The following LATS1 variants were observed in gnomAD, a reference collection of about 807,000 sequenced individuals.
LATS1 encodes the protein large tumor suppressor kinase 1.
Under a neutral mutation model 106.6 loss-of-function variants are expected in LATS1, and 25 were observed. The observed-to-expected ratio is 0.23, with a 90% CI of 0.17 to 0.33. LATS1 has a LOEUF of 0.33. LATS1 is among the 10% of genes least tolerant of loss of function. The pLI is 1.00. For synonymous variants in LATS1, 465 were observed against 455.6 expected, an observed-to-expected ratio of 1.02 and a Z score of -0.26; for missense variants, 1,040 against 1,382.6, an observed-to-expected ratio of 0.75 and a Z score of 3.93.
At chr6:149,682,422 T>C (rs1378248425) in intron 4 of LATS1, among the ~76,000 whole-genome samples, 3 of 150,896 alleles carry the variant, frequency 2.0e-5, no homozygotes, top group Non-Finnish European at 4.4e-5. Flanking sequence ...TTTCTTTTTT[T>C]TTTTTTTTTG....
chr6:149,713,913 G>C (rs1784245149), intron 1 of LATS1, among the ~76,000 whole-genome samples: 1 of 152,128 alleles, frequency 6.6e-6, no homozygotes, highest in South Asian at 2.1e-4. Context: ...ACCTGCCTCG[G>C]CCTCCCGAAG....
chr6:149,695,326 A>G (rs949462832), intron 2 of LATS1, 105 bp from the exon 3 acceptor site: 2 of 680,112 alleles, frequency 2.9e-6, no homozygotes, highest in African/African-American at 3.7e-5. Context: ...ATAATTATGA[A>G]GAACACAGCC....
intron 7 of LATS1, 102 bp from the exon 8 acceptor site, chr6:149,662,340 T>G: frequency 1.0e-6 from 1 of 999,386 alleles, no homozygotes; most frequent in South Asian, 1.7e-5. Flanking sequence ...TTTTGTATTT[T>G]AAATAAATTA....
chr6:149,668,312 A>G (rs1781266184), intron 7 of LATS1, among the ~76,000 whole-genome samples: 1 of 152,102 alleles, frequency 6.6e-6, no homozygotes, highest in Non-Finnish European at 1.5e-5. Flanking sequence ...GCTCTAAAGT[A>G]TCTGCTTTAG....
At chr6:149,704,887 T>TACAC (rs57029776) in intron 1 of LATS1, among the ~76,000 whole-genome samples, 5,693 of 139,782 alleles carry the variant, frequency 0.041, 243 homozygotes, top group Admixed American at 0.12. Context: ...AAATTAATTA[T>TACAC]ACACACACAC....
At chr6:149,667,537 A>G (rs1340783798) in intron 7 of LATS1, among the ~76,000 whole-genome samples, 1 of 152,018 alleles carries the variant, frequency 6.6e-6, no homozygotes, top group Non-Finnish European at 1.5e-5. Flanking sequence ...AAAAACTTAA[A>G]ATATAAGTAG....
In LATS1 at chr6:149,662,182, T is replaced by C. The variant is rs773520542; in HGVS notation, c.2940A>G (p.Glu980=). ...AAAGTTTAATAATAAGATCAGAAGCTTCAGGACTGAGTTTAGCTTGTGGTG... is the reference window on the plus strand; with the variant it reads ...AAAGTTTAATAATAAGATCAGAAGCCTCAGGACTGAGTTTAGCTTGTGGTG... ...HIPPQAKLSP[E]ASDLIIKLCR... is the part of the protein sequence containing the mutation. Residue 980 remains glutamate, a synonymous_variant, in exon 8 of 8, where the codon GAA becomes GAG. Coordinates refer to ENST00000543571, the MANE Select transcript of LATS1 (RefSeq NM_004690.4). 3.1e-6 allele frequency: 5 copies of C among 1,613,514 alleles called. No individual in the cohort carries two copies. The highest frequency in any genetic ancestry group is 2.7e-5 in the African/African-American group (2 of 74,926).
At chr6:149,670,778 G>C (rs1185058458) in intron 7 of LATS1, among the ~76,000 whole-genome samples, 2 of 151,916 alleles carry the variant, frequency 1.3e-5, no homozygotes, top group African/African-American at 4.9e-5. Context: ...TGGGTTATTT[G>C]TTTCCTTACT....
intron 1 of LATS1, among the ~76,000 whole-genome samples, chr6:149,707,214 C>T (rs565705755): frequency 2.6e-5 from 4 of 151,898 alleles, no homozygotes; most frequent in Admixed American, 6.6e-5. Flanking sequence ...TGGGGTTTCA[C>T]CATGTAGGTC....
In LATS1 at chr6:149,695,182, T is replaced by A. The variant is rs752691472; in HGVS notation, c.388A>T (p.Ser130Cys). The A allele has an allele frequency of 6.2e-7, 1 of 1,610,160 alleles. No homozygotes were observed. The highest frequency in any genetic ancestry group is 1.1e-5 in the South Asian group (1 of 90,760). ...ATGAATTCAATTGCTGCTTCTATAC[T>A]TCTGTTGTTAGTTTTCTGAAGAGCT... ...IQALQKTNNR[S>C]IEAAIEFISK... The change falls in exon 3 of 8, where the codon AGT becomes TGT. Residue 130 changes from serine to cysteine, a missense_variant. Physicochemically the swap from Ser to Cys is moderately radical, Grantham distance 112. Around this residue, in one of 7 missense-constraint regions of LATS1, gnomAD observed 624 missense variants for 714.8 expected, o/e 0.87. Coordinates refer to ENST00000543571, the MANE Select transcript of LATS1 (RefSeq NM_004690.4).
At chr6:149,709,208 C>T (rs1355446640) in intron 1 of LATS1, among the ~76,000 whole-genome samples, 1 of 152,154 alleles carries the variant, frequency 6.6e-6, no homozygotes, top group African/African-American at 2.4e-5. Context: ...ATTATTCCCT[C>T]CTCCCTGTTG....
chr6:149,717,042 C>T (rs1562364836), intron 1 of LATS1, among the ~76,000 whole-genome samples: 1 of 152,080 alleles, frequency 6.6e-6, no homozygotes, highest in Non-Finnish European at 1.5e-5. Context: ...AATCCATTTC[C>T]AAAACTGGAG....
chr6:149,691,765 C>T (rs898401749), intron 3 of LATS1, among the ~76,000 whole-genome samples: 4 of 152,124 alleles, frequency 2.6e-5, no homozygotes, highest in Non-Finnish European at 5.9e-5. Context: ...TACATCCCCA[C>T]CTCCCTACTT....
Position 149,661,782 on chromosome 6 carries a change from C to T in LATS1, c.3340G>A (p.Asp1114Asn), listed in dbSNP as rs1215121355. Reference sequence around the variant, plus strand: ...ATCTCTGAGCCTGTGTTTTGATCATCTTCATCCGACTGCTGCTCTGAGCCT... The same window carrying T: ...ATCTCTGAGCCTGTGTTTTGATCATTTTCATCCGACTGCTGCTCTGAGCCT... ...SQGSEQQSDE[D>N]DQNTGSEIKN... is the part of the protein sequence containing the mutation. Residue 1114 changes from aspartate to asparagine, a missense_variant, in exon 8 of 8, where the codon GAT becomes AAT. Physicochemically the swap from Asp to Asn is conservative, Grantham distance 23. Around this residue, in one of 7 missense-constraint regions of LATS1, gnomAD observed 46 missense variants for 42.4 expected, o/e 1.09. Transcript: ENST00000543571. 1.9e-6 allele frequency: 3 copies of T among 1,599,298 alleles called. No homozygotes were observed. The highest frequency in any genetic ancestry group is 2.7e-5 in the African/African-American group (2 of 74,120).
Position 149,660,861 on chromosome 6 carries a change from A to C in LATS1, c.*868T>G, listed in dbSNP as rs1251653380. 1 of 211,642 alleles carries C rather than the reference A, an allele frequency of 4.7e-6. No homozygotes were observed. Among genetic ancestry groups the C allele is most frequent in the East Asian group, 7.2e-5 (1 of 13,928 alleles). 13.1% of individuals were successfully genotyped at this position (211,642 alleles called of 1,614,324 possible). On this transcript the variant is annotated 3_prime_UTR_variant, in exon 8 of 8. Coordinates refer to ENST00000543571, the MANE Select transcript of LATS1 (RefSeq NM_004690.4). ...ACAGGTAACATTGATGATATAATCA[A>C]AATAGTTACTATACAGGAAAAGTAT...
intron 3 of LATS1, among the ~76,000 whole-genome samples, chr6:149,690,747 C>T (rs1782698149): frequency 6.6e-6 from 1 of 152,128 alleles, no homozygotes; most frequent in Non-Finnish European, 1.5e-5. Flanking sequence ...CCATGATGCT[C>T]AGGCTGGTCT....
intron 3 of LATS1, among the ~76,000 whole-genome samples, chr6:149,694,813 G>A (rs1164724118): frequency 6.6e-6 from 1 of 152,124 alleles, no homozygotes; most frequent in African/African-American, 2.4e-5. Context: ...AGGGAAAATA[G>A]ACATATTTCA....
At chr6:149,686,283 T>C (rs1302179876) in intron 3 of LATS1, among the ~76,000 whole-genome samples, 5 of 152,306 alleles carry the variant, frequency 3.3e-5, no homozygotes, top group African/African-American at 1.2e-4. Flanking sequence ...AAATAATGTT[T>C]GGGGAACATT....
Position 149,662,014 on chromosome 6 carries a change from T to G in LATS1, c.3108A>C (p.Thr1036=), listed in dbSNP as rs766873389. The change falls in exon 8 of 8, where the codon ACA becomes ACC. Residue 1036 remains threonine, a synonymous_variant. Coordinates refer to ENST00000543571, the MANE Select transcript of LATS1 (RefSeq NM_004690.4). ...CAGGATCAACAGGATCAAAATTTGA[T>G]GTATCTGTTGGGTGTGTGATTTTAG... ...YIPKITHPTD[T]SNFDPVDPDK... is the part of the protein sequence containing the mutation. 3 of 1,614,050 alleles carry G rather than the reference T, an allele frequency of 1.9e-6. No individual in the cohort carries two copies. The South Asian group carries it at 3.3e-5, about 18-fold the overall frequency.
Sources: gnomAD v4.1 joint callset for allele counts (sites outside exome capture counted in the v4.1 genomes callset) on GRCh38, gnomAD v4.1.1 for gene constraint, gnomAD v4.1.1 regional missense constraint, MANE v1.5 for transcripts, NCBI Gene and HGNC (gene_info 2026-07-23, HGNC 2026-07-21) for gene names.